Variants in GLYATL1B observed in about 807,000 individuals in gnomAD.
GLYATL1B encodes putative glycine N-acyltransferase-like protein 1B.
Under a neutral mutation model 5.5 loss-of-function variants are expected in GLYATL1B, and 6 were observed. The ratio of observed to expected loss-of-function variants is 1.09; its 90% CI spans 0.60 to 2.15. The LOEUF (loss-of-function observed/expected upper bound fraction) is 2.15, where lower values mean the gene tolerates loss of function less well. GLYATL1B is among the 30% of genes most tolerant of loss of function. The pLI is 0.00. For synonymous variants in GLYATL1B, 67 were observed against 34.9 expected (o/e 1.92, Z -3.24); for missense variants, 135 against 94.1 (o/e 1.43, Z -1.80).
At chr11:59,090,005 A>G (rs1406001034) in intron 2 of GLYATL1B, among the ~76,000 whole-genome samples, 1 of 152,092 alleles carries the variant, frequency 6.6e-6, no homozygotes, top group African/African-American at 2.4e-5. Flanking sequence ...ATATTTTTGA[A>G]TAGCATGAAT....
intron 2 of GLYATL1B, among the ~76,000 whole-genome samples, chr11:59,091,543 T>C (rs1462583095): frequency 6.6e-6 from 1 of 152,222 alleles, no homozygotes; most frequent in Non-Finnish European, 1.5e-5. Flanking sequence ...CACATTTATG[T>C]CCATGTATGT....
At chr11:59,094,239 T>C in intron 4 of GLYATL1B, 128 bp downstream of exon 4, 1 of 495,170 alleles carries the variant, frequency 2.0e-6, no homozygotes, top group Non-Finnish European at 3.6e-6. Context: ...TTGTCAGTGG[T>C]CAAAATACGC....
At chr11:59,094,248 G>A (rs1859382468) in intron 4 of GLYATL1B, 121 bp from the exon 5 acceptor site, 2 of 490,314 alleles carry the variant, frequency 4.1e-6, no homozygotes, top group Non-Finnish European at 7.4e-6. Context: ...GTCAAAATAC[G>A]CCACTTTGCA....
intron 2 of GLYATL1B, among the ~76,000 whole-genome samples, chr11:59,091,020 A>C (rs1296211610): frequency 6.6e-6 from 1 of 152,132 alleles, no homozygotes; most frequent in Non-Finnish European, 1.5e-5. Context: ...TTTTTATGGC[A>C]ATTTATATAC....
At chr11:59,086,636 G>A (rs554747068) in intron 1 of GLYATL1B, among the ~76,000 whole-genome samples, 1 of 152,218 alleles carries the variant, frequency 6.6e-6, no homozygotes, top group East Asian at 1.9e-4. Flanking sequence ...CATCGGTTTG[G>A]GGCCAGATTC....
chr11:59,092,185 C>G (rs1169335455), intron 2 of GLYATL1B, among the ~76,000 whole-genome samples: 1 of 142,026 alleles, frequency 7.0e-6, no homozygotes, highest in East Asian at 2.0e-4. Context: ...TTTTCTCTTT[C>G]TCTTCTATTT....
At chr11:59,093,002 C>T (rs377517349) in intron 2 of GLYATL1B, among the ~76,000 whole-genome samples, 3 of 152,130 alleles carry the variant, frequency 2.0e-5, no homozygotes, top group South Asian at 2.1e-4. Flanking sequence ...CATCTTGTGC[C>T]GAGCTTAAGA....
At chr11:59,093,215 G>A (rs1323230721) in intron 2 of GLYATL1B, among the ~76,000 whole-genome samples, 1 of 152,184 alleles carries the variant, frequency 6.6e-6, no homozygotes, top group Non-Finnish European at 1.5e-5. Context: ...CAGTTGAGTG[G>A]GTAGGGAGAA....
chr11:59,091,662 A>G (rs1859314171), intron 2 of GLYATL1B, among the ~76,000 whole-genome samples: 1 of 152,204 alleles, frequency 6.6e-6, no homozygotes, highest in African/African-American at 2.4e-5. Flanking sequence ...GAAATTTCTT[A>G]GAGAACTTAA....
chr11:59,086,990 C>G, intron 1 of GLYATL1B, 74 bp from the exon 2 acceptor site: 1 of 502,286 alleles, frequency 2.0e-6, no homozygotes, highest in Non-Finnish European at 3.5e-6. Flanking sequence ...CTCCATTTTT[C>G]TCTTCCTCTT....
At position 59,094,450 on chromosome 11, in the gene GLYATL1B, T is replaced by C. The variant is rs546171177; in HGVS notation, c.573T>C (p.Asn191=). ...LVNDNWKLGM[N]KRSLRYIKRC... ...ATGACAACTGGAAGCTAGGGATGAA[T>C]AAGAGGAGCCTGCGTTACATCAAGC... Residue 191 remains asparagine, a synonymous_variant, in exon 5 of 5, where the codon AAT becomes AAC. Coordinates refer to ENST00000527482, the MANE Select transcript of GLYATL1B (RefSeq NM_001355566.1). The C allele has an allele frequency of 1.0e-5, 7 of 701,080 alleles. No individual in the cohort carries two copies. The East Asian group carries it at 1.3e-4, about 13-fold the overall frequency. 43.4% of individuals were successfully genotyped at this position (701,080 alleles called of 1,614,324 possible).
intron 2 of GLYATL1B, among the ~76,000 whole-genome samples, chr11:59,090,345 G>A (rs1859282224): frequency 6.6e-6 from 1 of 151,922 alleles, no homozygotes; most frequent in Admixed American, 6.6e-5. Context: ...GATTTGTATT[G>A]GAGGAGCTTT....
At chr11:59,093,060 C>T (rs1467356363) in intron 2 of GLYATL1B, among the ~76,000 whole-genome samples, 2 of 152,172 alleles carry the variant, frequency 1.3e-5, no homozygotes, top group African/African-American at 4.8e-5. Flanking sequence ...ATATGTCCCA[C>T]AGGGGGTTAT....
At chr11:59,094,147 A>G in intron 4 of GLYATL1B, 36 bp downstream of exon 4, 1 of 560,154 alleles carries the variant, frequency 1.8e-6, no homozygotes, top group East Asian at 3.0e-5. Context: ...TATAATTGCT[A>G]TTCCTTGTAC....
At chr11:59,090,353 T>C (rs1859282678) in intron 2 of GLYATL1B, among the ~76,000 whole-genome samples, 2 of 151,962 alleles carry the variant, frequency 1.3e-5, no homozygotes, top group South Asian at 4.1e-4. Flanking sequence ...TTGGAGGAGC[T>C]TTTTTAGACA....
At chr11:59,089,531 C>T (rs1859264965) in intron 2 of GLYATL1B, among the ~76,000 whole-genome samples, 1 of 152,130 alleles carries the variant, frequency 6.6e-6, no homozygotes, top group South Asian at 2.1e-4. Flanking sequence ...CTACTTTATG[C>T]CAAACTGGTG....
Position 59,094,714 on chromosome 11 carries a change from A to G in GLYATL1B, c.837A>G (p.Ala279=), listed in dbSNP as rs1859396917. The G allele has an allele frequency of 6.5e-6, 3 of 459,144 alleles. No homozygotes were observed. The East Asian group carries it at 9.4e-5, about 14-fold the overall frequency. The allele number at this position is 459,144 out of a possible 1,614,324, so 28.4% of individuals were successfully genotyped here. ...ENQGVIRKTS[A]LGFLEASCQW... ...AAGGCGTCATCAGAAAGACTAGTGC[A>G]CTAGGTTTCCTTGAGGCCTCCTGTC... is the stretch of plus-strand genomic sequence containing the variant. The change falls in exon 5 of 5, where the codon GCA becomes GCG. Residue 279 remains alanine (A), a synonymous_variant. Coordinates refer to ENST00000527482, the MANE Select transcript of GLYATL1B (RefSeq NM_001355566.1).
In GLYATL1B at chr11:59,093,976, T is replaced by G. The variant is rs1859376014; in HGVS notation, c.356T>G (p.Phe119Cys). 1 of 709,650 alleles carries G rather than the reference T, an allele frequency of 1.4e-6. No homozygotes were observed. The highest frequency in any genetic ancestry group is 1.7e-5 in the South Asian group (1 of 60,330). 44.0% of individuals were successfully genotyped at this position (709,650 alleles called of 1,614,324 possible). The change falls in exon 4 of 5, where the codon TTT becomes TGT. Residue 119 changes from phenylalanine (F) to cysteine (C), a missense_variant. Phe to Cys is a radical substitution (Grantham distance 205). Coordinates refer to ENST00000527482, the MANE Select transcript of GLYATL1B (RefSeq NM_001355566.1). ...GGTGAGGGGATAAGAGCAGCTGCAT[T>G]TTCAAATTCAGTGAAGGTAGAGCAT... The part of the protein sequence containing the change: ...SLGEGIRAAA[F>C]SNSVKVEHSR...
In GLYATL1B at chr11:59,094,608, G is replaced by A; in HGVS notation, c.731G>A (p.Gly244Glu). The change falls in exon 5 of 5, where the codon GGG becomes GAG. Residue 244 changes from glycine (G) to glutamate (E), a missense_variant. Gly to Glu is a moderately conservative substitution (Grantham distance 98). Coordinates refer to ENST00000527482, the MANE Select transcript of GLYATL1B (RefSeq NM_001355566.1). ...SVEKYRRRGN[G>E]TRLIMRCMKY... ...GAAAAATACCGAAGGAGAGGCAATG[G>A]GACACGGCTGATCATGCGATGCATG... The A allele has an allele frequency of 2.2e-6, 1 of 461,564 alleles. No individual in the cohort carries two copies. Among genetic ancestry groups the A allele is most frequent in the Non-Finnish European group, 3.9e-6 (1 of 255,698 alleles). The allele number at this position is 461,564 out of a possible 1,614,324, so 28.6% of individuals were successfully genotyped here.
Sources: gnomAD v4.1 joint callset for allele counts (sites outside exome capture counted in the v4.1 genomes callset) on GRCh38, gnomAD v4.1.1 for gene constraint, MANE v1.5 for transcripts, NCBI Gene and HGNC (gene_info 2026-07-23, HGNC 2026-07-21) for gene names.